MBP: variants seen among roughly 807,000 people sequenced by gnomAD.
MBP encodes the protein myelin basic protein.
Under a neutral mutation model 35.8 loss-of-function variants are expected in MBP, and 16 were observed. The ratio of observed to expected loss-of-function variants is 0.45; its 90% CI spans 0.30 to 0.68. MBP has a LOEUF of 0.68. Ranked by LOEUF, MBP falls within the 30% of genes least tolerant of loss-of-function variation. The pLI is 0.08. For missense variants in MBP, 380 were observed against 404.7 expected (o/e 0.94, Z 0.52); for synonymous variants, 143 against 159.6 (o/e 0.90, Z 0.78).
chr18:77,049,790 C>G (rs753335051), intron 3 of MBP, among the ~76,000 whole-genome samples: 2 of 152,062 alleles, frequency 1.3e-5, no homozygotes, highest in Non-Finnish European at 2.9e-5. Context: ...AGCAATTCTC[C>G]TGCCTCAGCT....
At chr18:77,104,901 TCC>T (rs1976200206) in intron 2 of MBP, among the ~76,000 whole-genome samples, 1 of 152,130 alleles carries the variant, frequency 6.6e-6, no homozygotes, top group Admixed American at 6.5e-5. Context: ...TTTCTTCTTC[TCC>T]GTGTCTCTTT....
intron 1 of MBP, chr18:77,127,275 T>C (rs1977080270): frequency 6.6e-6 from 1 of 152,216 alleles, no homozygotes; most frequent in South Asian, 2.1e-4. Context: ...AGCAATTTAA[T>C]GGAAGAAGGA....
chr18:77,131,372 C>T lies in MBP; in HGVS notation c.-26+1208G>A, dbSNP rs1040087469. Among the ~76,000 whole-genome samples, 1 of 152,174 alleles carries T rather than the reference C, an allele frequency of 6.6e-6. No homozygotes were observed. Among genetic ancestry groups the T allele is most frequent in the Non-Finnish European group, 1.5e-5 (1 of 68,032 alleles). On this transcript the variant is annotated intron_variant, in intron 1 of 8. Transcript: ENST00000355994. The surrounding 1 kb of genome is among the most constrained non-coding windows in gnomAD (Gnocchi z 5.5). ...CAAAACACACACTGGAGTTCCCTGA[C>T]GTTTCCTTCCTCTGAAAAACTCTCT...
At chr18:77,104,661 T>C (rs1976186712) in intron 2 of MBP, among the ~76,000 whole-genome samples, 2 of 152,352 alleles carry the variant, frequency 1.3e-5, no homozygotes, top group Middle Eastern at 6.8e-3. Context: ...GTGTAAATTT[T>C]CATGCTCTAT....
chr18:77,094,307 A>G (rs1017620356), intron 2 of MBP, among the ~76,000 whole-genome samples: 3 of 152,160 alleles, frequency 2.0e-5, no homozygotes, highest in Non-Finnish European at 4.4e-5. Flanking sequence ...CCTTTTCTAT[A>G]TTATTTTATT....
intron 8 of MBP, chr18:76,982,905 A>C (rs1326682180): frequency 1.3e-5 from 1 of 74,980 alleles, no homozygotes; most frequent in Non-Finnish European, 5.0e-5. Context: ...CAGAAATTAA[A>C]TAATTTTTAA....
At position 77,132,693 on chromosome 18, in the gene MBP, C is replaced by T. The variant is rs925770062; in HGVS notation, c.-139G>A. ...GGCTTCAAGCGCCCACGCGCGGGGT[C>T]CCCGGGCAGCCTGCTTCGCCTTCCG... is the stretch of plus-strand genomic sequence containing the variant. On this transcript the variant is annotated 5_prime_UTR_variant, in exon 1 of 9. Coordinates refer to ENST00000355994, the MANE Select transcript of MBP (RefSeq NM_001025101.2). The T allele has an allele frequency of 7.9e-5, 12 of 152,356 alleles. No homozygotes were observed. Among genetic ancestry groups the T allele is most frequent in the African/African-American group, 2.9e-4 (12 of 41,544 alleles). The allele number at this position is 152,356 out of a possible 1,614,324, so 9.4% of individuals were successfully genotyped here. A position where few individuals can be genotyped will look rare whatever the true frequency, so the allele number is the denominator to read the frequency against.
chr18:76,995,808 C>A (rs77293497), intron 4 of MBP, among the ~76,000 whole-genome samples: 4 of 152,206 alleles, frequency 2.6e-5, no homozygotes, highest in African/African-American at 9.6e-5. Flanking sequence ...ACCAAAACAT[C>A]ATCTATAAAA....
At chr18:77,120,623 T>C (rs1659689933) in intron 1 of MBP, among the ~76,000 whole-genome samples, 1 of 152,108 alleles carries the variant, frequency 6.6e-6, no homozygotes. Context: ...AGTCACGAGG[T>C]CTATCGCACC....
At chr18:77,014,754 C>T (rs1971535137) in intron 4 of MBP, 6 of 985,198 alleles carry the variant, frequency 6.1e-6, no homozygotes, top group Middle Eastern at 5.2e-4. Context: ...TGCGTGCGCT[C>T]CCCCGGGATG....
At chr18:77,014,719 T>C (rs1452882962) in intron 4 of MBP, 1 of 985,322 alleles carries the variant, frequency 1.0e-6, no homozygotes, top group Non-Finnish European at 1.2e-6. Context: ...GATAAAATAG[T>C]TGAGTGGAGC....
intron 3 of MBP, among the ~76,000 whole-genome samples, chr18:77,054,780 T>A (rs546016620): frequency 6.6e-6 from 1 of 152,296 alleles, no homozygotes; most frequent in South Asian, 2.1e-4. Flanking sequence ...CCAATTCCTG[T>A]TAGCGGCGGG....
chr18:77,078,642 A>G (rs990404222), intron 2 of MBP, among the ~76,000 whole-genome samples: 1 of 152,258 alleles, frequency 6.6e-6, no homozygotes, highest in Admixed American at 6.5e-5. Flanking sequence ...GGAAGTTGTC[A>G]CATGAGGACT....
chr18:76,988,382 G>A lies in MBP; in HGVS notation c.750+113C>T. The A allele has an allele frequency of 6.2e-7, 1 of 1,613,648 alleles. No homozygotes were observed. Among genetic ancestry groups the A allele is most frequent in the Non-Finnish European group, 8.5e-7 (1 of 1,179,726 alleles). The stretch of plus-strand genomic sequence containing the variant: ...CCAGCTGTGGGCAGAGAGGTCTCGA[G>A]AGGAGAGAAAAGGAGGCCAGGAAGC... On this transcript the variant is annotated intron_variant, in intron 7 of 8. Coordinates refer to ENST00000355994, the MANE Select transcript of MBP (RefSeq NM_001025101.2). The surrounding 1 kb of genome is among the most constrained non-coding windows in gnomAD (Gnocchi z 5.2).
chr18:77,082,046 G>A (rs1438709214), intron 2 of MBP, among the ~76,000 whole-genome samples: 3 of 151,108 alleles, frequency 2.0e-5, no homozygotes, highest in South Asian at 2.1e-4. Context: ...TAGAGACGGG[G>A]TTTCACTGTG....
chr18:76,986,104 C>T, intron 7 of MBP: 1 of 985,566 alleles, frequency 1.0e-6, no homozygotes, highest in Non-Finnish European at 1.2e-6. Context: ...GGCGAAGTGT[C>T]CTCCCACGGT....
At chr18:77,105,351 T>C in intron 1 of MBP, 65 bp from the exon 2 acceptor site, 1 of 1,054,302 alleles carries the variant, frequency 9.5e-7, no homozygotes, top group African/African-American at 1.6e-5. Context: ...ATGTTGTTTT[T>C]CCATCAGAAA....
At chr18:77,077,812 AATAAGGCACATT>A in intron 2 of MBP, among the ~76,000 whole-genome samples, 1 of 152,382 alleles carries the variant, frequency 6.6e-6, no homozygotes, top group Non-Finnish European at 1.5e-5. Context: ...TTCTTTGGAA[AATAAGGCACATT>A]ATAGAATCTA....
At chr18:77,013,585 C>T (rs1971464014) in intron 4 of MBP, 1 of 985,216 alleles carries the variant, frequency 1.0e-6, no homozygotes, top group Non-Finnish European at 1.2e-6. Context: ...CAGTTCTTCT[C>T]CATACAGTCG....
Sources: allele counts gnomAD v4.1 joint callset (sites outside exome capture counted in the v4.1 genomes callset), GRCh38; gene constraint gnomAD v4.1.1; non-coding constraint Gnocchi (gnomAD v3.1); transcripts MANE v1.5; gene names NCBI Gene and HGNC (gene_info 2026-07-23, HGNC 2026-07-21).